LRRK2: variants seen among roughly 807,000 people sequenced by gnomAD.
LRRK2 encodes leucine rich repeat kinase 2.
A neutral mutation model predicts 302.6 loss-of-function variants in LRRK2; 203 were observed. The observed-to-expected ratio is 0.67, with a 90% CI of 0.60 to 0.75. LRRK2 has a LOEUF of 0.75. LRRK2 is among the 30% of genes least tolerant of loss of function. LRRK2 has a pLI of 0.00. For synonymous variants in LRRK2, 1,066 were observed against 1,031.9 expected (o/e 1.03, Z -0.63); for missense variants, 2,830 against 2,951.0 (o/e 0.96, Z 0.95).
rs1565679725 is a variant in LRRK2, at chr12:40,249,902, T to C, written c.915T>C (p.Asn305=). The C allele has an allele frequency of 6.8e-6, 11 of 1,613,886 alleles. No individual in the cohort carries two copies. Among genetic ancestry groups the C allele is most frequent in the Non-Finnish European group, 9.3e-6 (11 of 1,179,838 alleles). ...AAGCTGTGCAGCAGTACCCAGAGAA[T>C]GCAGCATTGCAGATCTCAGCGCTCA... is the stretch of plus-strand genomic sequence containing the variant. The part of the protein sequence containing the change: ...VVKAVQQYPE[N]AALQISALSC... Residue 305 remains asparagine, a synonymous_variant, in exon 8 of 51, where the codon AAT becomes AAC. Coordinates refer to ENST00000298910, the MANE Select transcript of LRRK2 (RefSeq NM_198578.4).
chr12:40,331,512 C>T (rs1334598599), intron 39 of LRRK2, among the ~76,000 whole-genome samples: 1 of 151,972 alleles, frequency 6.6e-6, no homozygotes, highest in Non-Finnish European at 1.5e-5. Context: ...TTTGGCTTCC[C>T]TGGGCCGTAT....
chr12:40,243,836 A>T (rs1941852736), intron 7 of LRRK2, among the ~76,000 whole-genome samples, 155 bp downstream of exon 7: 1 of 152,144 alleles, frequency 6.6e-6, no homozygotes, highest in Non-Finnish European at 1.5e-5. Flanking sequence ...AAACAAAAAG[A>T]AAATACTGTA....
chr12:40,335,460 A>G (rs947043664), intron 40 of LRRK2, among the ~76,000 whole-genome samples: 15 of 152,198 alleles, frequency 9.9e-5, no homozygotes, highest in Admixed American at 6.5e-4. Flanking sequence ...GCTTCACAGT[A>G]TCAAAGTAAG....
At chr12:40,315,341 A>T (rs1315873554) in intron 33 of LRRK2, 41 bp downstream of exon 33, 1 of 1,503,708 alleles carries the variant, frequency 6.7e-7, no homozygotes, top group South Asian at 1.1e-5. Flanking sequence ...GTTATGGTCA[A>T]AGCATAGAAC....
intron 38 of LRRK2, among the ~76,000 whole-genome samples, chr12:40,325,746 T>C (rs1945529001): frequency 6.6e-6 from 1 of 152,226 alleles, no homozygotes; most frequent in South Asian, 2.1e-4. Flanking sequence ...TCTTTCCATT[T>C]TTATTTGTAG....
Position 40,314,134 on chromosome 12 carries a change from A to G in LRRK2, c.4699A>G (p.Asn1567Asp), listed in dbSNP as rs750523721. The change falls in exon 32 of 51, where the codon AAT becomes GAT. Residue 1567 changes from asparagine to aspartate, a missense_variant. Transcript: ENST00000298910. Reference protein sequence around the residue: ...VRENQLQLDENELPHAVHFLN... With the variant: ...VRENQLQLDEDELPHAVHFLN... Reference sequence around the variant, plus strand: ...AGAAAATCAGCTGCAGTTAGATGAAAATGAGCTTCCTCACGCAGTTCACTT... The same window carrying G: ...AGAAAATCAGCTGCAGTTAGATGAAGATGAGCTTCCTCACGCAGTTCACTT... The G allele has an allele frequency of 6.2e-7, 1 of 1,612,668 alleles. No homozygotes were observed.
chr12:40,340,972 G>A (rs1055351748), intron 41 of LRRK2, among the ~76,000 whole-genome samples: 3 of 152,096 alleles, frequency 2.0e-5, no homozygotes, highest in African/African-American at 7.2e-5. Context: ...CATACATTTT[G>A]CTGCAGAAAT....
chr12:40,363,349 A>T, intron 47 of LRRK2, 53 bp from the exon 48 acceptor site: 1 of 1,575,036 alleles, frequency 6.3e-7, no homozygotes, highest in Non-Finnish European at 8.7e-7. Flanking sequence ...TACACGTAGA[A>T]ATTTTAAGAA....
intron 14 of LRRK2, among the ~76,000 whole-genome samples, chr12:40,270,118 G>C (rs1452524601): frequency 5.9e-5 from 9 of 152,116 alleles, no homozygotes; most frequent in African/African-American, 1.9e-4. Flanking sequence ...AAAAGTGTCA[G>C]TATAATGCTT....
At chr12:40,320,271 A>T in intron 34 of LRRK2, 96 bp downstream of exon 34, 1 of 970,458 alleles carries the variant, frequency 1.0e-6, no homozygotes, top group Non-Finnish European at 1.5e-6. Context: ...GATGTATTAA[A>T]TAAATAAATA....
chr12:40,267,790 TA>T (rs1943083081), intron 14 of LRRK2, among the ~76,000 whole-genome samples: 1 of 152,138 alleles, frequency 6.6e-6, no homozygotes, highest in African/African-American at 2.4e-5. Context: ...AAAATGGCTC[TA>T]AAAAATGAGA....
chr12:40,364,507 T>C (rs555927658), intron 48 of LRRK2, among the ~76,000 whole-genome samples: 1 of 146,270 alleles, frequency 6.8e-6, no homozygotes, highest in South Asian at 2.3e-4. Flanking sequence ...GTAAAACTTT[T>C]GACTCTAACT....
intron 12 of LRRK2, 65 bp from the exon 13 acceptor site, chr12:40,259,415 A>G (rs1942671029): frequency 4.4e-6 from 7 of 1,602,354 alleles, no homozygotes; most frequent in Admixed American, 1.7e-5. Context: ...ACTTATTTCA[A>G]TTTGGTGTTT....
At chr12:40,274,813 G>T in intron 15 of LRRK2, 41 bp from the exon 16 acceptor site, 1 of 1,609,680 alleles carries the variant, frequency 6.2e-7, no homozygotes, top group Non-Finnish European at 8.5e-7. Context: ...TTTTTCTTCA[G>T]TTTTGAGATT....
chr12:40,252,613 C>G (rs1238035455), intron 10 of LRRK2, among the ~76,000 whole-genome samples: 1 of 152,164 alleles, frequency 6.6e-6, no homozygotes, highest in Non-Finnish European at 1.5e-5. Context: ...TCTCTTGTTT[C>G]CATTCTCTTC....
intron 24 of LRRK2, among the ~76,000 whole-genome samples, 186 bp from the exon 25 acceptor site, chr12:40,298,923 A>G (rs1944513005): frequency 7.3e-6 from 1 of 137,142 alleles, no homozygotes; most frequent in Non-Finnish European, 1.5e-5. Flanking sequence ...CTTATTATAT[A>G]TATAATAAAA....
intron 2 of LRRK2, among the ~76,000 whole-genome samples, chr12:40,230,792 G>A (rs765443981): frequency 5.3e-5 from 8 of 151,366 alleles, no homozygotes; most frequent in Non-Finnish European, 1.0e-4. Context: ...TTTCATCTCC[G>A]GTTTGAAATC....
chr12:40,364,597 C>T (rs1046003739), intron 48 of LRRK2, among the ~76,000 whole-genome samples: 5 of 151,402 alleles, frequency 3.3e-5, no homozygotes, highest in Admixed American at 2.6e-4. Flanking sequence ...AATTGTATCC[C>T]TCTTATTCAT....
chr12:40,334,680 A>C (rs930226194), intron 39 of LRRK2, among the ~76,000 whole-genome samples: 7 of 152,248 alleles, frequency 4.6e-5, no homozygotes, highest in Middle Eastern at 3.4e-3. Context: ...GAGGTAGAGG[A>C]AAGGTTGGTC....
Sources: allele counts gnomAD v4.1 joint callset (sites outside exome capture counted in the v4.1 genomes callset), GRCh38; gene constraint gnomAD v4.1.1; transcripts MANE v1.5; gene names NCBI Gene and HGNC (gene_info 2026-07-23, HGNC 2026-07-21).